The following SLC49A4 variants were observed in gnomAD, a reference collection of about 807,000 sequenced individuals.
The protein encoded by SLC49A4 is solute carrier family 49 member 4, also known as disrupted in renal cancer protein 2.
Under a neutral mutation model 50.6 loss-of-function variants are expected in SLC49A4, and 36 were observed. The ratio of observed to expected loss-of-function variants is 0.71; its 90% confidence interval spans 0.55 to 0.94. The LOEUF (loss-of-function observed/expected upper bound fraction) is 0.94, where lower values mean the gene tolerates loss of function less well. Among genes scored for constraint, SLC49A4 ranks in the 40% least tolerant of loss-of-function variants. SLC49A4 has a pLI of 0.00. For missense variants in SLC49A4, 503 were observed against 605.7 expected (o/e 0.83, Z 1.78); for synonymous variants, 248 against 241.2 (o/e 1.03, Z -0.26).
At chr3:122,841,766 A>G (rs554051226) in intron 4 of SLC49A4, among the ~76,000 whole-genome samples, 1 of 152,334 alleles carries the variant, frequency 6.6e-6, no homozygotes, top group Admixed American at 6.5e-5. Context: ...TAGAATAGAA[A>G]ATATTATTTC....
At chr3:122,855,603 T>TA (rs1936977955) in intron 5 of SLC49A4, among the ~76,000 whole-genome samples, 1 of 152,044 alleles carries the variant, frequency 6.6e-6, no homozygotes, top group Admixed American at 6.5e-5. Context: ...TAGATTGCTG[T>TA]GAAAAAATGT....
chr3:122,815,607 T>C (rs1407487025), intron 2 of SLC49A4, among the ~76,000 whole-genome samples: 2 of 152,218 alleles, frequency 1.3e-5, no homozygotes, highest in Admixed American at 6.5e-5. Flanking sequence ...CCTCTTCCCA[T>C]GTAGAGAACA....
At chr3:122,795,653 T>C in intron 1 of SLC49A4, 118 bp downstream of exon 1, 2 of 1,442,064 alleles carry the variant, frequency 1.4e-6, no homozygotes, top group East Asian at 2.8e-5. Flanking sequence ...TGTGAGGTGA[T>C]AGAGTGTTGC....
At chr3:122,829,125 AG>A (rs1276382305) in intron 3 of SLC49A4, among the ~76,000 whole-genome samples, 1 of 152,252 alleles carries the variant, frequency 6.6e-6, no homozygotes, top group Non-Finnish European at 1.5e-5. Context: ...AGGTAACATA[AG>A]AAAAGTAAAC....
intron 1 of SLC49A4, among the ~76,000 whole-genome samples, chr3:122,796,939 C>G (rs1936051255): frequency 6.6e-6 from 1 of 152,098 alleles, no homozygotes; most frequent in Admixed American, 6.5e-5. Context: ...CAGACCTCAG[C>G]AAAAGTCAAG....
intron 8 of SLC49A4, among the ~76,000 whole-genome samples, chr3:122,877,631 A>T (rs1044514346): frequency 6.6e-6 from 1 of 152,216 alleles, no homozygotes. Flanking sequence ...GTCAATTACC[A>T]TACTTTTTTT....
intron 8 of SLC49A4, among the ~76,000 whole-genome samples, chr3:122,878,358 A>G (rs981973707): frequency 6.6e-6 from 1 of 152,116 alleles, no homozygotes; most frequent in Admixed American, 6.5e-5. Flanking sequence ...CCGAGGAGCT[A>G]TTCACTTCAG....
At chr3:122,810,555 G>GATTACAGT in intron 2 of SLC49A4, among the ~76,000 whole-genome samples, 1 of 152,306 alleles carries the variant, frequency 6.6e-6, no homozygotes, top group Middle Eastern at 3.4e-3. Context: ...TGTATCCAGT[G>GATTACAGT]ATTCCTGTAA....
intron 5 of SLC49A4, among the ~76,000 whole-genome samples, chr3:122,851,625 T>G (rs1186486191): frequency 6.6e-6 from 1 of 152,152 alleles, no homozygotes; most frequent in African/African-American, 2.4e-5. Flanking sequence ...TTTTCTAAAT[T>G]TATTCTACTT....
Position 122,872,567 on chromosome 3 carries a change from C to G in SLC49A4, c.1291C>G (p.Leu431Val). The G allele has an allele frequency of 6.3e-7, 1 of 1,590,528 alleles. No individual in the cohort carries two copies. Among genetic ancestry groups the G allele is most frequent in the Non-Finnish European group, 8.6e-7 (1 of 1,166,174 alleles). Residue 431 changes from leucine (L) to valine (V), a missense_variant, in exon 8 of 9, where the codon CTT becomes GTT. Transcript: ENST00000261038. ...TTTAAGTAATATGTTTATGGGAGTA[C>G]TTTTATTTTTTCTCACATTTTATCA... ...TFLSNMFMGV[L>V]LFFLTFYHTE...
At chr3:122,862,223 T>C (rs997678220) in intron 7 of SLC49A4, among the ~76,000 whole-genome samples, 7 of 152,346 alleles carry the variant, frequency 4.6e-5, no homozygotes, top group East Asian at 1.9e-4. Context: ...ATACATGTTA[T>C]TAAATAGTTT....
intron 1 of SLC49A4, among the ~76,000 whole-genome samples, chr3:122,802,772 A>G (rs971247210): frequency 6.6e-6 from 1 of 152,250 alleles, no homozygotes; most frequent in African/African-American, 2.4e-5. Flanking sequence ...TGAAAAAAAT[A>G]TACTGGACAG....
Position 122,798,534 on chromosome 3 carries a change from A to C in SLC49A4, c.343+2999A>C, listed in dbSNP as rs139648490. ...TTTCATTTTTAGTAGAAGAAAGCAA[A>C]TACACTTTTATATGTTGGCTTTCCT... On this transcript the variant is annotated intron_variant, in intron 1 of 8. Transcript: ENST00000261038. Among the ~76,000 whole-genome samples the C allele has an allele frequency of 7.0e-4, 106 of 151,946 alleles. No individual in the cohort carries two copies. In the East Asian group the frequency reaches 0.02, roughly 29 times the overall value.
chr3:122,874,485 C>A (rs1937237285), intron 8 of SLC49A4, among the ~76,000 whole-genome samples: 1 of 152,206 alleles, frequency 6.6e-6, no homozygotes, highest in Admixed American at 6.5e-5. Context: ...AACAAAACTT[C>A]CCTCTTTTTG....
intron 4 of SLC49A4, among the ~76,000 whole-genome samples, chr3:122,844,598 A>C (rs1317167759): frequency 6.6e-6 from 1 of 152,162 alleles, no homozygotes; most frequent in Non-Finnish European, 1.5e-5. Context: ...CCTGGCCAAC[A>C]TGGCGAAACC....
chr3:122,807,509 C>T (rs949328753), intron 2 of SLC49A4, among the ~76,000 whole-genome samples: 66 of 151,842 alleles, frequency 4.3e-4, no homozygotes, highest in African/African-American at 1.5e-3. Flanking sequence ...CAACTGGGAC[C>T]GTGGATTTAT....
intron 7 of SLC49A4, among the ~76,000 whole-genome samples, chr3:122,866,907 T>G (rs1303561731): frequency 6.6e-6 from 1 of 152,226 alleles, no homozygotes; most frequent in African/African-American, 2.4e-5. Flanking sequence ...ACATGCTTTT[T>G]TTTTTGGAGA....
Position 122,827,869 on chromosome 3 carries a change from C to T in SLC49A4, c.703+804C>T, listed in dbSNP as rs540825791. 3.7e-4 allele frequency among the ~76,000 whole-genome samples: 57 copies of T among 152,280 alleles called. 1 individual carries two copies. Among genetic ancestry groups the T allele is most frequent in the Non-Finnish European group, 6.8e-4 (46 of 68,004 alleles). On this transcript the variant is annotated intron_variant, in intron 3 of 8. Coordinates refer to ENST00000261038, the MANE Select transcript of SLC49A4 (RefSeq NM_032839.3). Reference sequence around the variant, plus strand: ...GTTGAGGGGGCAGGAAAGGCTTCAACAAGAATGTAATAATTAAAGTTAAGA... The same window carrying T: ...GTTGAGGGGGCAGGAAAGGCTTCAATAAGAATGTAATAATTAAAGTTAAGA...
At chr3:122,841,314 C>G (rs1481113904) in intron 4 of SLC49A4, among the ~76,000 whole-genome samples, 1 of 152,156 alleles carries the variant, frequency 6.6e-6, no homozygotes, top group South Asian at 2.1e-4. Flanking sequence ...TTGCAACATG[C>G]CGTCTTCTCT....
Sources: gnomAD v4.1 joint callset for allele counts (sites outside exome capture counted in the v4.1 genomes callset) on GRCh38, gnomAD v4.1.1 for gene constraint, MANE v1.5 for transcripts, NCBI Gene and HGNC (gene_info 2026-07-23, HGNC 2026-07-21) for gene names.